Variants in SLC35F4 observed in about 807,000 individuals in gnomAD.
SLC35F4 encodes solute carrier family 35 member F4.
SLC35F4 carries 24 observed loss-of-function variants against 44.2 expected under a neutral mutation model. That is an observed-to-expected ratio of 0.54 (90% CI 0.39 to 0.76). The LOEUF (loss-of-function observed/expected upper bound fraction) is 0.76, where lower values mean the gene tolerates loss of function less well. SLC35F4 is among the 30% of genes least tolerant of loss of function. The probability of loss-of-function intolerance (pLI) is 0.00; values close to 1 mark genes in which losing one functional copy is unlikely to be tolerated. For synonymous variants in SLC35F4, 238 were observed against 223.6 expected (o/e 1.06, Z -0.57); for missense variants, 562 against 586.1 (o/e 0.96, Z 0.42).
At chr14:57,839,890 C>T (rs1480273003) in intron 1 of SLC35F4, among the ~76,000 whole-genome samples, 1 of 152,156 alleles carries the variant, frequency 6.6e-6, no homozygotes, top group African/African-American at 2.4e-5. Context: ...ACTTTATCAA[C>T]ACTCTACAGC....
chr14:57,726,587 G>A (rs1474221891), intron 1 of SLC35F4, among the ~76,000 whole-genome samples: 1 of 152,058 alleles, frequency 6.6e-6, no homozygotes, highest in Non-Finnish European at 1.5e-5. Context: ...ATAGTATTTG[G>A]GTTGGTGATT....
At chr14:57,796,239 A>G (rs2078051223) in intron 1 of SLC35F4, among the ~76,000 whole-genome samples, 1 of 152,210 alleles carries the variant, frequency 6.6e-6, no homozygotes, top group South Asian at 2.1e-4. Context: ...CATTGTGAAT[A>G]GTGCTGTGAT....
At chr14:57,656,092 C>A (rs949662595) in intron 1 of SLC35F4, among the ~76,000 whole-genome samples, 1 of 152,074 alleles carries the variant, frequency 6.6e-6, no homozygotes, top group African/African-American at 2.4e-5. Flanking sequence ...CACATCCCAG[C>A]ACAGACTGCC....
chr14:57,779,839 A>T (rs891511098), intron 1 of SLC35F4, among the ~76,000 whole-genome samples: 2 of 152,188 alleles, frequency 1.3e-5, no homozygotes, highest in Non-Finnish European at 2.9e-5. Flanking sequence ...AAACCACAAG[A>T]TTATCTCAAT....
At chr14:57,600,397 TATC>T (rs1202787827) in intron 1 of SLC35F4, among the ~76,000 whole-genome samples, 2 of 152,048 alleles carry the variant, frequency 1.3e-5, no homozygotes, top group Non-Finnish European at 2.9e-5. Context: ...AAAGATAAAA[TATC>T]AATAACTAGG....
At position 57,622,349 on chromosome 14, in the gene SLC35F4, C is replaced by T. The variant is rs548866587; in HGVS notation, c.104-28225G>A. On this transcript the variant is annotated intron_variant, in intron 1 of 7. Coordinates refer to ENST00000556826, the MANE Select transcript of SLC35F4 (RefSeq NM_001306087.2). ...ACCCAAAGGACTATAAATCATGCTG[C>T]TATAAAGACACATGCACACGTATGT... is the stretch of plus-strand genomic sequence containing the variant. Among the ~76,000 whole-genome samples the T allele has an allele frequency of 2.8e-5, 4 of 145,212 alleles. No individual in the cohort carries two copies. In the East Asian group the frequency reaches 5.8e-4, roughly 21 times the overall value.
chr14:57,680,474 T>C (rs909849024), intron 1 of SLC35F4, among the ~76,000 whole-genome samples: 1 of 152,092 alleles, frequency 6.6e-6, no homozygotes, highest in Admixed American at 6.5e-5. Context: ...AACACAAGGA[T>C]GCCCTCTCTC....
Position 57,922,347 on chromosome 14 carries a change from C to G in SLC35F4, n.282+59566G>C, listed in dbSNP as rs531373442. ...TATCACTACTTTCCCCTTCCACACCCAAAGAAGACACCATTAACCAATTAT... is the reference window on the plus strand; with the variant it reads ...TATCACTACTTTCCCCTTCCACACCGAAAGAAGACACCATTAACCAATTAT... On this transcript the variant is annotated intron_variant and non_coding_transcript_variant, in intron 1 of 1. Transcript: ENST00000556568. Among the ~76,000 whole-genome samples the G allele has an allele frequency of 1.3e-3, 193 of 152,216 alleles. 2 individuals are homozygous for G. In the South Asian group the frequency reaches 0.038, roughly 30 times the overall value.
chr14:57,600,005 G>A (rs1381232437), intron 1 of SLC35F4, among the ~76,000 whole-genome samples: 1 of 152,084 alleles, frequency 6.6e-6, no homozygotes, highest in African/African-American at 2.4e-5. Flanking sequence ...TACAGGTTCA[G>A]ACCCCAGAGA....
At chr14:57,791,306 C>T (rs1292958180) in intron 1 of SLC35F4, among the ~76,000 whole-genome samples, 2 of 152,052 alleles carry the variant, frequency 1.3e-5, no homozygotes, top group Non-Finnish European at 2.9e-5. Flanking sequence ...ACAAACAACC[C>T]CATCAAAAAA....
chr14:57,566,598 A>G (rs1363086855), intron 6 of SLC35F4, 34 bp from the exon 7 acceptor site: 1 of 1,554,498 alleles, frequency 6.4e-7, no homozygotes, highest in Non-Finnish European at 8.7e-7. Flanking sequence ...AAGATGAAAG[A>G]GAAATAATAC....
At chr14:57,674,232 T>A (rs1253680069) in intron 1 of SLC35F4, among the ~76,000 whole-genome samples, 2 of 152,110 alleles carry the variant, frequency 1.3e-5, no homozygotes, top group Non-Finnish European at 2.9e-5. Flanking sequence ...GGCAAAGTTA[T>A]AGAGCAATTA....
intron 1 of SLC35F4, among the ~76,000 whole-genome samples, chr14:57,661,641 G>C (rs1055656487): frequency 6.6e-6 from 1 of 152,178 alleles, no homozygotes; most frequent in African/African-American, 2.4e-5. Context: ...GCTACTGTGA[G>C]TGAAGAAATA....
At position 57,919,238 on chromosome 14, in the gene SLC35F4, T is replaced by G. The variant is rs140504743; in HGVS notation, n.282+62675A>C. Reference sequence around the variant, plus strand: ...GTGAAGAAATAAACTTTTACTATGTTAAGCCACTAAATGTTTGAGATTTAT... The same window carrying G: ...GTGAAGAAATAAACTTTTACTATGTGAAGCCACTAAATGTTTGAGATTTAT... On this transcript the variant is annotated intron_variant and non_coding_transcript_variant, in intron 1 of 1. Transcript: ENST00000556568. Among the ~76,000 whole-genome samples the G allele has an allele frequency of 7.2e-3, 1,092 of 152,312 alleles. 12 individuals are homozygous for G. The highest frequency in any genetic ancestry group is 0.025 in the African/African-American group (1,022 of 41,558).
chr14:57,819,593 C>T (rs552505556), intron 1 of SLC35F4, among the ~76,000 whole-genome samples: 10 of 151,020 alleles, frequency 6.6e-5, no homozygotes, highest in African/African-American at 2.2e-4. Context: ...ATCACAAGGT[C>T]GGGAGTTTGA....
intron 1 of SLC35F4, among the ~76,000 whole-genome samples, chr14:57,922,269 C>T (rs1405128078): frequency 2.6e-5 from 4 of 152,174 alleles, no homozygotes; most frequent in African/African-American, 9.7e-5. Context: ...TGAAATAGAG[C>T]CCTGAAGTTT....
In SLC35F4 at chr14:57,803,972, C is replaced by T. The variant is rs534727549; in HGVS notation, c.103+61751G>A. ...AAAAATCACTAGCATTCCTGTACAC[C>T]AACAACAAGCAAGCAGAGCCAAATC... On this transcript the variant is annotated intron_variant, in intron 1 of 7. Transcript: ENST00000556826. 1.0e-3 allele frequency among the ~76,000 whole-genome samples: 155 copies of T among 152,090 alleles called. 4 individuals carry two copies. Among genetic ancestry groups the T allele is most frequent in the Admixed American group, 1.2e-3 (19 of 15,270 alleles).
At chr14:57,706,929 ATCTC>A (rs977019591) in intron 1 of SLC35F4, among the ~76,000 whole-genome samples, 1 of 152,168 alleles carries the variant, frequency 6.6e-6, no homozygotes, top group Non-Finnish European at 1.5e-5. Context: ...TTCTGAAAAG[ATCTC>A]TCTCTCTGGC....
intron 1 of SLC35F4, among the ~76,000 whole-genome samples, chr14:57,608,394 G>A (rs2071289366): frequency 6.6e-6 from 1 of 152,164 alleles, no homozygotes; most frequent in African/African-American, 2.4e-5. Context: ...CACTCATGGG[G>A]AGAACACCAT....
Sources: gnomAD v4.1 joint callset for allele counts (sites outside exome capture counted in the v4.1 genomes callset) on GRCh38, gnomAD v4.1.1 for gene constraint, MANE v1.5 for transcripts, NCBI Gene and HGNC (gene_info 2026-07-23, HGNC 2026-07-21) for gene names.